GOSR2: variants seen among roughly 807,000 people sequenced by gnomAD.
GOSR2 encodes 27 kDa Golgi SNARE protein.
GOSR2 carries 20 observed loss-of-function variants against 27.9 expected under a neutral mutation model. The observed-to-expected ratio is 0.72, with a 90% confidence interval of 0.50 to 1.04. GOSR2 has a LOEUF of 1.04. Among genes scored for constraint, GOSR2 ranks in the 50% least tolerant of loss-of-function variants. The probability of loss-of-function intolerance (pLI) is 0.00; values close to 1 mark genes in which losing one functional copy is unlikely to be tolerated. For missense variants in GOSR2, 261 were observed against 270.5 expected, an observed-to-expected ratio of 0.97 and a Z score of 0.25; for synonymous variants, 91 against 98.8, an observed-to-expected ratio of 0.92 and a Z score of 0.47.
chr17:46,970,858 A>G (rs1597790395), downstream of GOSR2, among the ~76,000 whole-genome samples: 1 of 152,380 alleles, frequency 6.6e-6, no homozygotes, highest in Non-Finnish European at 1.5e-5. Context: ...GTATCACGGT[A>G]TACGTTCAAA....
At position 46,941,256 on chromosome 17, in the gene GOSR2, C is replaced by G. The variant is rs1010305900; in HGVS notation, c.*2496C>G. 85 of 987,508 alleles carry G rather than the reference C, an allele frequency of 8.6e-5. No homozygotes were observed. Among genetic ancestry groups the G allele is most frequent in the Non-Finnish European group, 1.0e-4 (84 of 831,154 alleles). The allele number at this position is 987,508 out of a possible 1,614,324, so 61.2% of individuals were successfully genotyped here. A position where few individuals can be genotyped will look rare whatever the true frequency, so the allele number is the denominator to read the frequency against. ...GACTTCACTGCGGAGTTCTGTACACCCTTTGCCCTGATGAATTTGAATGGG... is the reference window on the plus strand; with the variant it reads ...GACTTCACTGCGGAGTTCTGTACACGCTTTGCCCTGATGAATTTGAATGGG... On this transcript the variant is annotated 3_prime_UTR_variant, in exon 6 of 6. Coordinates refer to ENST00000640051, the MANE Select transcript of GOSR2 (RefSeq NM_004287.5).
At chr17:46,930,919 A>G (rs1437378490) in intron 2 of GOSR2, 180 bp from the exon 3 acceptor site, 2 of 613,672 alleles carry the variant, frequency 3.3e-6, no homozygotes, top group Non-Finnish European at 5.8e-6. Context: ...ACTTTTTTCA[A>G]AACAACATTT....
rs2089069581 is a variant in GOSR2 at position 46,940,251 on chromosome 17, T to TTC, written c.*1492_*1493dup. On this transcript the variant is annotated 3_prime_UTR_variant, in exon 6 of 6. Coordinates refer to ENST00000640051, the MANE Select transcript of GOSR2 (RefSeq NM_004287.5). ...GTTTCCTGGATGCTAATTTCACACT[T>TTC]TCGGTTGGAGGAGATCTCCATTGTT... 1 of 1,422,890 alleles carries TTC rather than the reference T, an allele frequency of 7.0e-7. No homozygotes were observed. The highest frequency in any genetic ancestry group is 9.2e-7 in the Non-Finnish European group (1 of 1,092,812). The allele number at this position is 1,422,890 out of a possible 1,614,324, so 88.1% of individuals were successfully genotyped here.
At chr17:46,934,166 C>G (rs775500213) in intron 4 of GOSR2, among the ~76,000 whole-genome samples, 9 of 143,354 alleles carry the variant, frequency 6.3e-5, no homozygotes, top group Non-Finnish European at 1.2e-4. Context: ...CCCAGCTCCA[C>G]TGGACTTCCA....
chr17:46,943,083 C>T (rs954612001), downstream of GOSR2, among the ~76,000 whole-genome samples: 1 of 152,172 alleles, frequency 6.6e-6, no homozygotes, highest in Non-Finnish European at 1.5e-5. Context: ...TTGCCCAAGG[C>T]GATTGTAATG....
chr17:46,960,755 A>G lies in GOSR2; in HGVS notation c.584-5779A>G, dbSNP rs1488643562. ...GATAAGTGTGAGAAGCCAGATGGAA[A>G]AGGCAGCTTATTGGGTGATTCCATT... On this transcript the variant is annotated intron_variant, in intron 6 of 6. Coordinates refer to the GOSR2 transcript ENST00000573224. Among the ~76,000 whole-genome samples the G allele has an allele frequency of 2.6e-5, 4 of 152,260 alleles. No individual in the cohort carries two copies. The East Asian group carries it at 7.7e-4, about 29-fold the overall frequency.
At chr17:46,969,586 C>T (rs967697721), downstream of GOSR2, among the ~76,000 whole-genome samples, 1 of 152,208 alleles carries the variant, frequency 6.6e-6, no homozygotes, top group Admixed American at 6.5e-5. Context: ...CAGCCTCTGT[C>T]CTGATGGCCA....
chr17:46,935,841 C>T (rs768425596), intron 5 of GOSR2: 1 of 986,230 alleles, frequency 1.0e-6, no homozygotes, highest in South Asian at 4.7e-5. Context: ...GTTTCAGCCT[C>T]TGCCCTTTTC....
downstream of GOSR2, chr17:46,942,072 T>C (rs921219736): frequency 4.7e-6 from 2 of 423,826 alleles, no homozygotes; most frequent in African/African-American, 4.3e-5. Context: ...CTGAAACAGA[T>C]ACAAAGAAGT....
At chr17:46,961,286 T>G (rs1332402545) in intron 6 of GOSR2, among the ~76,000 whole-genome samples, 3 of 152,140 alleles carry the variant, frequency 2.0e-5, no homozygotes, top group African/African-American at 7.2e-5. Flanking sequence ...ATCTGTAATT[T>G]TAGCACTTTG....
At chr17:46,970,173 CT>C (rs1187008645), downstream of GOSR2, among the ~76,000 whole-genome samples, 1 of 152,142 alleles carries the variant, frequency 6.6e-6, no homozygotes, top group Non-Finnish European at 1.5e-5. Flanking sequence ...CACGGCTGTC[CT>C]GCCTCATCTC....
At chr17:46,958,849 G>T (rs556559685) in intron 6 of GOSR2, among the ~76,000 whole-genome samples, 1 of 152,332 alleles carries the variant, frequency 6.6e-6, no homozygotes, top group African/African-American at 2.4e-5. Context: ...AGCCTGCTCT[G>T]CTCCCCTCCC....
chr17:46,975,077 A>C (rs566303915), intron 6 of GOSR2: 22 of 151,582 alleles, frequency 1.5e-4, no homozygotes, highest in East Asian at 1.4e-3. Flanking sequence ...TACGATAAAC[A>C]AAACTAACAA....
chr17:46,947,919 C>T (rs1000844839), intron 6 of GOSR2, among the ~76,000 whole-genome samples: 1 of 152,204 alleles, frequency 6.6e-6, no homozygotes, highest in Admixed American at 6.5e-5. Context: ...CAGGCATGTG[C>T]CACCACGCCT....
At chr17:46,966,106 T>A (rs937525120) in intron 6 of GOSR2, among the ~76,000 whole-genome samples, 1 of 152,218 alleles carries the variant, frequency 6.6e-6, no homozygotes, top group African/African-American at 2.4e-5. Context: ...CCTCCTCATC[T>A]TCTTCATCAT....
intron 1 of GOSR2, among the ~76,000 whole-genome samples, chr17:46,926,210 G>T (rs1017173181): frequency 6.6e-6 from 1 of 152,112 alleles, no homozygotes; most frequent in Admixed American, 6.5e-5. Context: ...TTTAATGAGC[G>T]AAATGTAAAG....
At chr17:46,944,501 TC>T (rs1169977724), downstream of GOSR2, among the ~76,000 whole-genome samples, 1 of 152,208 alleles carries the variant, frequency 6.6e-6, no homozygotes, top group Admixed American at 6.5e-5. Flanking sequence ...CTGGGCTGCT[TC>T]CTGGAGTCCC....
chr17:46,966,773 C>G, exon 7 of GOSR2: 1 of 452,790 alleles, frequency 2.2e-6, no homozygotes, highest in Admixed American at 4.1e-5. Context: ...ACAATAGCAC[C>G]TGCCTTGCAA....
Position 46,940,955 on chromosome 17 carries a change from C to A in GOSR2, c.*2195C>A, listed in dbSNP as rs565638240. 9.3e-4 allele frequency: 1,155 copies of A among 1,242,578 alleles called. 23 individuals are homozygous for A. The South Asian group carries it at 0.017, about 18-fold the overall frequency. The allele number at this position is 1,242,578 out of a possible 1,614,324, so 77.0% of individuals were successfully genotyped here. On this transcript the variant is annotated 3_prime_UTR_variant, in exon 6 of 6. Transcript: ENST00000640051. ...CCTTGGCCTAACAGTGTGACTCTCT[C>A]CACCGCCTCAGTGTAGGGAAGGGTC...
Sources: allele counts gnomAD v4.1 joint callset (sites outside exome capture counted in the v4.1 genomes callset), GRCh38; gene constraint gnomAD v4.1.1; transcripts MANE v1.5; gene names NCBI Gene and HGNC (gene_info 2026-07-23, HGNC 2026-07-21).